Variants in GMNN observed in about 807,000 individuals in gnomAD.
The protein encoded by GMNN is geminin.
In GMNN, 14 loss-of-function variants were observed where a neutral mutation model predicts 20.9. The ratio of observed to expected loss-of-function variants is 0.67; its 90% CI spans 0.44 to 1.05. GMNN has a LOEUF of 1.05. GMNN is among the 50% of genes least tolerant of loss of function. GMNN has a pLI of 0.00. For missense variants in GMNN, 227 were observed against 243.8 expected (o/e 0.93, Z 0.46); for synonymous variants, 81 against 85.8 (o/e 0.94, Z 0.31).
chr6:24,785,320 T>G (rs1780321781), intron 6 of GMNN, among the ~76,000 whole-genome samples: 1 of 152,142 alleles, frequency 6.6e-6, no homozygotes, highest in Non-Finnish European at 1.5e-5. Flanking sequence ...TTAAAAGAAT[T>G]AGTCCACAGC....
At chr6:24,775,448 GC>G (rs1417314616) in intron 1 of GMNN, 1 of 152,316 alleles carries the variant, frequency 6.6e-6, no homozygotes, top group Admixed American at 6.5e-5. Context: ...CCCTAGCCTG[GC>G]GCTGGGCCTC....
chr6:24,781,627 A>G lies in GMNN; in HGVS notation c.274+6A>G. ...ATTTGATCTTATGATTAAAGGTATG[A>G]AAAAATAGATAACTTTTGTCTTAAT... On this transcript the variant is annotated splice_donor_region_variant and intron_variant, in intron 4 of 6. Coordinates refer to ENST00000230056, the MANE Select transcript of GMNN (RefSeq NM_015895.5). 1 of 1,344,150 alleles carries G rather than the reference A, an allele frequency of 7.4e-7. No homozygotes were observed. The highest frequency in any genetic ancestry group is 1.0e-6 in the Non-Finnish European group (1 of 998,226). 83.3% of individuals were successfully genotyped at this position (1,344,150 alleles called of 1,614,324 possible).
chr6:24,783,186 G>A lies in GMNN; in HGVS notation c.275-901G>A, dbSNP rs375050076. Among the ~76,000 whole-genome samples the A allele has an allele frequency of 2.6e-5, 4 of 152,202 alleles. No homozygotes were observed. In the East Asian group the frequency reaches 5.8e-4, roughly 22 times the overall value. On this transcript the variant is annotated intron_variant, in intron 4 of 6. Transcript: ENST00000230056. ...ATGTTGAAAGAACACATGTCATCTT[G>A]GAAGGATTCTCACAGACTACAGTTG...
At chr6:24,776,023 C>T (rs775118392) in intron 1 of GMNN, among the ~76,000 whole-genome samples, 2 of 152,102 alleles carry the variant, frequency 1.3e-5, no homozygotes, top group African/African-American at 4.8e-5. Context: ...TACTGGGGCC[C>T]GAACACCATT....
At chr6:24,785,562 G>T in intron 6 of GMNN, 76 bp from the exon 7 acceptor site, 1 of 679,810 alleles carries the variant, frequency 1.5e-6, no homozygotes. Context: ...ATGCTATACG[G>T]GTCAGCTATA....
rs758791343 is a variant in GMNN, at chr6:24,781,462, G to A, written c.130-15G>A. On this transcript the variant is annotated splice_polypyrimidine_tract_variant and intron_variant, in intron 3 of 6. Coordinates refer to ENST00000230056, the MANE Select transcript of GMNN (RefSeq NM_015895.5). The stretch of plus-strand genomic sequence containing the variant: ...AAATCAAAGTAAATACAGTTGATAA[G>A]TGTTTTCATTATAGCTGTCCGCAGG... 2 of 1,551,928 alleles carry A rather than the reference G, an allele frequency of 1.3e-6. No homozygotes were observed. The highest frequency in any genetic ancestry group is 1.8e-6 in the Non-Finnish European group (2 of 1,131,796).
Position 24,781,491 on chromosome 6 carries a change from G to C in GMNN, c.144G>C (p.Leu48Phe), listed in dbSNP as rs2307307. Residue 48 changes from leucine to phenylalanine, a missense_variant, in exon 4 of 7, where the codon TTG becomes TTC. Leu to Phe is a conservative substitution (Grantham distance 22). Transcript: ENST00000230056. ...VGRENELSAG[L>F]SKRKHRNDHL... is the part of the protein sequence containing the mutation. ...TTTCATTATAGCTGTCCGCAGGCTTGTCCAAAAGGAAACATCGGAATGACC... is the reference window on the plus strand; with the variant it reads ...TTTCATTATAGCTGTCCGCAGGCTTCTCCAAAAGGAAACATCGGAATGACC... 30,874 of 1,596,746 alleles carry C rather than the reference G, an allele frequency of 0.019. 2,225 individuals carry two copies. In the African/African-American group the frequency reaches 0.22, roughly 11 times the overall value.
At position 24,775,239 on chromosome 6, in the gene GMNN, G is replaced by A. The variant is rs1056611730; in HGVS notation, c.-31G>A. On this transcript the variant is annotated 5_prime_UTR_variant, in exon 1 of 7. Transcript: ENST00000230056. ...CTACTTTGACAGCTGCAGGGCCGCG[G>A]CCTGGGTAAGGGCGAAGGGGTTGTT... The A allele has an allele frequency of 6.6e-6, 1 of 152,424 alleles. No individual in the cohort carries two copies. The highest frequency in any genetic ancestry group is 1.9e-4 in the East Asian group (1 of 5,204). The allele number at this position is 152,424 out of a possible 1,614,324, so 9.4% of individuals were successfully genotyped here.
Position 24,784,189 on chromosome 6 carries a change from T to G in GMNN, c.357+20T>G. The G allele has an allele frequency of 8.3e-7, 1 of 1,210,186 alleles. No individual in the cohort carries two copies. The highest frequency in any genetic ancestry group is 1.2e-6 in the Non-Finnish European group (1 of 820,166). 75.0% of individuals were successfully genotyped at this position (1,210,186 alleles called of 1,614,324 possible). On this transcript the variant is annotated intron_variant, in intron 5 of 6. Coordinates refer to ENST00000230056, the MANE Select transcript of GMNN (RefSeq NM_015895.5). Reference sequence around the variant, plus strand: ...GAGAAAGTATGTATTGAGTATAATTTGTACCATTTTTAAAAATTCCAGGAT... The same window carrying G: ...GAGAAAGTATGTATTGAGTATAATTGGTACCATTTTTAAAAATTCCAGGAT...
Position 24,784,424 on chromosome 6 carries a change from A to G in GMNN, c.358-20A>G. ...GCATAGCAAATCTATGGAATACTGA[A>G]CTTTATTTATGTAATACAGCTTCAT... On this transcript the variant is annotated intron_variant, in intron 5 of 6. Transcript: ENST00000230056. 1 of 1,116,130 alleles carries G rather than the reference A, an allele frequency of 9.0e-7. No homozygotes were observed. The highest frequency in any genetic ancestry group is 1.2e-5 in the South Asian group (1 of 80,438). 69.1% of individuals were successfully genotyped at this position (1,116,130 alleles called of 1,614,324 possible). A position where few individuals can be genotyped will look rare whatever the true frequency, so the allele number is the denominator to read the frequency against.
chr6:24,780,764 GGGTACT>G lies in GMNN; in HGVS notation c.129+28_129+33del, dbSNP rs753019780. On this transcript the variant is annotated intron_variant, in intron 3 of 6. Coordinates refer to ENST00000230056, the MANE Select transcript of GMNN (RefSeq NM_015895.5). ...AGGTATGCACTATATGGCTAAAATG[GGGTACT>G]GGTGATACAGTGTCTACATCGAAAA... The G allele has an allele frequency of 1.4e-5, 15 of 1,105,028 alleles. No homozygotes were observed. In the South Asian group the frequency reaches 1.9e-4, roughly 14 times the overall value. 68.5% of individuals were successfully genotyped at this position (1,105,028 alleles called of 1,614,324 possible).
Position 24,781,581 on chromosome 6 carries a change from T to C in GMNN, c.234T>C (p.Leu78=), listed in dbSNP as rs138954355. 39 of 1,550,688 alleles carry C rather than the reference T, an allele frequency of 2.5e-5. No individual in the cohort carries two copies. The African/African-American group carries it at 5.0e-4, about 20-fold the overall frequency. ...IVPESSENKN[L]GGVTQESFDL... ...CAGAATCTAGTGAAAATAAAAATCT[T>C]GGAGGAGTCACCCAGGAGTCATTTG... Residue 78 remains leucine, a synonymous_variant, in exon 4 of 7, where the codon CTT becomes CTC. Transcript: ENST00000230056.
rs1308570484 is a variant in GMNN, at chr6:24,785,862, T to C, written c.*63T>C. Reference sequence around the variant, plus strand: ...GAAGTTTACCTCCACTAGTTCTTTGTAGCAGAGTACATAACTACATAATGC... The same window carrying C: ...GAAGTTTACCTCCACTAGTTCTTTGCAGCAGAGTACATAACTACATAATGC... On this transcript the variant is annotated 3_prime_UTR_variant, in exon 7 of 7. Transcript: ENST00000230056. The C allele has an allele frequency of 2.0e-6, 2 of 994,604 alleles. No homozygotes were observed. Among genetic ancestry groups the C allele is most frequent in the Admixed American group, 2.3e-5 (1 of 44,194 alleles). The allele number at this position is 994,604 out of a possible 1,614,324, so 61.6% of individuals were successfully genotyped here. A position where few individuals can be genotyped will look rare whatever the true frequency, so the allele number is the denominator to read the frequency against.
In GMNN at chr6:24,784,461, A is replaced by G. The variant is rs1424723458; in HGVS notation, c.375A>G (p.Glu125=). ...KENEKLHKEI[E]QKDNEIARLK... ...TAATACAGCTTCATAAAGAAATTGA[A>G]CAAAAGGACAATGAAATTGCCCGCC... Residue 125 remains glutamate (E), a synonymous_variant, in exon 6 of 7, where the codon GAA becomes GAG. Coordinates refer to ENST00000230056, the MANE Select transcript of GMNN (RefSeq NM_015895.5). 1 of 1,540,090 alleles carries G rather than the reference A, an allele frequency of 6.5e-7. No individual in the cohort carries two copies. Among genetic ancestry groups the G allele is most frequent in the Admixed American group, 1.7e-5 (1 of 59,872 alleles).
chr6:24,784,363 A>G, intron 5 of GMNN, 81 bp from the exon 6 acceptor site: 1 of 747,504 alleles, frequency 1.3e-6, no homozygotes, highest in Non-Finnish European at 2.4e-6. Context: ...CATGTCCTCC[A>G]TGTTATATAC....
intron 4 of GMNN, among the ~76,000 whole-genome samples, chr6:24,781,908 T>G (rs1780231184): frequency 6.6e-6 from 1 of 152,084 alleles, no homozygotes; most frequent in African/African-American, 2.4e-5. Flanking sequence ...GACAACACAG[T>G]GAGGCTCTCT....
At position 24,781,580 on chromosome 6, in the gene GMNN, T is replaced by G. The variant is rs781516962; in HGVS notation, c.233T>G (p.Leu78Arg). 1.9e-6 allele frequency: 3 copies of G among 1,551,152 alleles called. No homozygotes were observed. In the African/African-American group the frequency reaches 4.1e-5, roughly 21 times the overall value. Reference protein sequence around the residue: ...IVPESSENKNLGGVTQESFDL... With the variant: ...IVPESSENKNRGGVTQESFDL... ...CCAGAATCTAGTGAAAATAAAAATC[T>G]TGGAGGAGTCACCCAGGAGTCATTT... Residue 78 changes from leucine (L) to arginine (R), a missense_variant, in exon 4 of 7, where the codon CTT becomes CGT. Leu to Arg is a moderately radical substitution (Grantham distance 102, BLOSUM62 -2). Coordinates refer to ENST00000230056, the MANE Select transcript of GMNN (RefSeq NM_015895.5).
chr6:24,785,565 C>A, intron 6 of GMNN, 73 bp from the exon 7 acceptor site: 1 of 692,438 alleles, frequency 1.4e-6, no homozygotes, highest in Non-Finnish European at 2.4e-6. Context: ...CTATACGGGT[C>A]AGCTATATCA....
In GMNN at chr6:24,775,209, GC is replaced by G. The variant is rs1780028695; in HGVS notation, c.-60del. On this transcript the variant is annotated 5_prime_UTR_variant, in exon 1 of 7. Coordinates refer to ENST00000230056, the MANE Select transcript of GMNN (RefSeq NM_015895.5). ...TTCCCTCCGGCCAACCTCTGAAGCC[GC>G]GTCCTACTTTGACAGCTGCAGGGCC... is the stretch of plus-strand genomic sequence containing the variant. 6.6e-6 allele frequency: 1 copy of G among 152,378 alleles called. No individual in the cohort carries two copies. The highest frequency in any genetic ancestry group is 1.5e-5 in the Non-Finnish European group (1 of 68,140). 9.4% of individuals were successfully genotyped at this position (152,378 alleles called of 1,614,324 possible). A position where few individuals can be genotyped will look rare whatever the true frequency, so the allele number is the denominator to read the frequency against.
Sources: gnomAD v4.1 joint callset for allele counts (sites outside exome capture counted in the v4.1 genomes callset) on GRCh38, gnomAD v4.1.1 for gene constraint, MANE v1.5 for transcripts, NCBI Gene and HGNC (gene_info 2026-07-23, HGNC 2026-07-21) for gene names.